Variants in NTM observed in about 807,000 individuals in gnomAD.
NTM encodes the protein IgLON family member 2.
A neutral mutation model predicts 42.1 loss-of-function variants in NTM; 13 were observed. The observed-to-expected ratio is 0.31, with a 90% CI of 0.20 to 0.49. NTM has a LOEUF of 0.49. Among genes scored for constraint, NTM ranks in the 20% least tolerant of loss-of-function variants. The pLI, the probability that NTM is intolerant of heterozygous loss-of-function variation, is 0.99. For missense variants in NTM, 373 were observed against 452.8 expected, an observed-to-expected ratio of 0.82 and a Z score of 1.60; for synonymous variants, 187 against 179.2, an observed-to-expected ratio of 1.04 and a Z score of -0.35.
chr11:131,810,189 G>A, intron 1 of NTM, among the ~76,000 whole-genome samples: 1 of 152,044 alleles, frequency 6.6e-6, no homozygotes, highest in African/African-American at 2.4e-5. Flanking sequence ...TAAGGCTTCT[G>A]TCCTCCTACC....
intron 1 of NTM, among the ~76,000 whole-genome samples, chr11:131,655,540 C>T (rs995938573): frequency 8.5e-5 from 13 of 152,286 alleles, no homozygotes; most frequent in African/African-American, 3.1e-4. Flanking sequence ...GTGCAGGGGG[C>T]TGCTCTCAGC....
Position 131,371,142 on chromosome 11 carries a change from C to T in NTM, c.82+254C>T, listed in dbSNP as rs530965891. On this transcript the variant is annotated intron_variant, in intron 1 of 8. Coordinates refer to ENST00000683400, the MANE Select transcript of NTM (RefSeq NM_001352005.2). The stretch of plus-strand genomic sequence containing the variant: ...GTTTGGTGCTCCTGTTAGGACTGTG[C>T]TTGTGTGCAAGGCTCCCTGGCTTCA... 1.4e-3 allele frequency: 1,409 copies of T among 975,676 alleles called. 1 individual carries two copies. Among genetic ancestry groups the T allele is most frequent in the Non-Finnish European group, 1.6e-3 (1,336 of 821,008 alleles). 60.4% of individuals were successfully genotyped at this position (975,676 alleles called of 1,614,324 possible). A position where few individuals can be genotyped will look rare whatever the true frequency, so the allele number is the denominator to read the frequency against.
intron 1 of NTM, among the ~76,000 whole-genome samples, chr11:131,621,475 C>T (rs898917031): frequency 6.6e-6 from 1 of 151,802 alleles, no homozygotes; most frequent in Non-Finnish European, 1.5e-5. Flanking sequence ...TCTCTAAATG[C>T]AGACCACACA....
At chr11:132,234,555 C>T (rs2139091476) in intron 4 of NTM, among the ~76,000 whole-genome samples, 1 of 152,296 alleles carries the variant, frequency 6.6e-6, no homozygotes, top group Admixed American at 6.5e-5. Context: ...GAGCCCTACT[C>T]AATTTACTAC....
chr11:131,914,477 A>C (rs1592812615), intron 2 of NTM, among the ~76,000 whole-genome samples: 5 of 152,346 alleles, frequency 3.3e-5, no homozygotes, highest in Admixed American at 3.3e-4. Flanking sequence ...CATAACCAGC[A>C]GAGGACTTTT....
intron 1 of NTM, among the ~76,000 whole-genome samples, chr11:131,900,030 A>G (rs952912677): frequency 5.3e-5 from 8 of 152,270 alleles, no homozygotes; most frequent in African/African-American, 1.2e-4. Context: ...TAACAGAGAA[A>G]AAGACAGAAA....
At chr11:131,965,022 G>A (rs1378050118) in intron 2 of NTM, among the ~76,000 whole-genome samples, 1 of 152,086 alleles carries the variant, frequency 6.6e-6, no homozygotes, top group African/African-American at 2.4e-5. Context: ...GAGGATGGGA[G>A]GATTACGCTG....
At chr11:131,425,357 T>C (rs1387837473) in intron 1 of NTM, among the ~76,000 whole-genome samples, 1 of 152,156 alleles carries the variant, frequency 6.6e-6, no homozygotes, top group South Asian at 2.1e-4. Flanking sequence ...CCCTCACACC[T>C]AAACAGTTTG....
chr11:131,586,581 G>C (rs1490576443), intron 1 of NTM, among the ~76,000 whole-genome samples: 1 of 152,146 alleles, frequency 6.6e-6, no homozygotes, highest in Non-Finnish European at 1.5e-5. Flanking sequence ...CTGGCCCACA[G>C]ACTGACTGTA....
At chr11:131,449,199 C>T (rs1395590425) in intron 1 of NTM, among the ~76,000 whole-genome samples, 1 of 152,158 alleles carries the variant, frequency 6.6e-6, no homozygotes, top group East Asian at 1.9e-4. Flanking sequence ...AATGGAGCTG[C>T]CGTGCAGTAA....
chr11:131,576,879 T>A (rs1277551128), intron 1 of NTM, among the ~76,000 whole-genome samples: 1 of 152,232 alleles, frequency 6.6e-6, no homozygotes, highest in Non-Finnish European at 1.5e-5. Context: ...CAAAATGTGG[T>A]GCAATAATAT....
intron 1 of NTM, among the ~76,000 whole-genome samples, chr11:131,401,814 A>ATATATATATATATGTG (rs1565465203): frequency 0.012 from 327 of 27,168 alleles, 38 homozygotes; most frequent in African/African-American, 0.027. Flanking sequence ...ATATATATAT[A>ATATATATATATATGTG]TATATATATA....
intron 1 of NTM, among the ~76,000 whole-genome samples, chr11:131,740,809 C>T (rs1224705519): frequency 1.3e-5 from 2 of 152,154 alleles, no homozygotes; most frequent in Non-Finnish European, 1.5e-5. Context: ...GTCGGCTGGG[C>T]TCAGGCACAG....
chr11:131,452,472 G>T (rs1187936066), intron 1 of NTM, among the ~76,000 whole-genome samples: 1 of 152,212 alleles, frequency 6.6e-6, no homozygotes, highest in African/African-American at 2.4e-5. Context: ...ATTAAAACAG[G>T]CCAGGAGGAA....
chr11:131,517,433 C>G (rs970972702), intron 1 of NTM, among the ~76,000 whole-genome samples: 1 of 152,106 alleles, frequency 6.6e-6, no homozygotes, highest in African/African-American at 2.4e-5. Flanking sequence ...GTTATAATTA[C>G]AAGAGGAATT....
intron 1 of NTM, among the ~76,000 whole-genome samples, chr11:131,457,766 A>T: frequency 6.6e-6 from 1 of 152,022 alleles, no homozygotes; most frequent in Non-Finnish European, 1.5e-5. Flanking sequence ...ATAATTTGAT[A>T]GTATTACAAG....
chr11:131,743,100 T>G (rs2081380334), intron 1 of NTM, among the ~76,000 whole-genome samples: 1 of 152,212 alleles, frequency 6.6e-6, no homozygotes, highest in Non-Finnish European at 1.5e-5. Context: ...TCTCTCATAA[T>G]GTATGCCATT....
At chr11:131,557,457 C>T (rs1287403857) in intron 1 of NTM, among the ~76,000 whole-genome samples, 1 of 152,168 alleles carries the variant, frequency 6.6e-6, no homozygotes, top group Non-Finnish European at 1.5e-5. Flanking sequence ...AAATCCTTTC[C>T]TCATCATGAC....
intron 1 of NTM, among the ~76,000 whole-genome samples, chr11:131,793,011 G>T (rs552650094): frequency 8.1e-4 from 124 of 152,332 alleles, no homozygotes; most frequent in Middle Eastern, 3.4e-3. Context: ...TATGGAAGGT[G>T]AGTGGACAGA....
Sources: allele counts gnomAD v4.1 joint callset (sites outside exome capture counted in the v4.1 genomes callset), GRCh38; gene constraint gnomAD v4.1.1; transcripts MANE v1.5; gene names NCBI Gene and HGNC (gene_info 2026-07-23, HGNC 2026-07-21).